The following GABRA4 variants were observed in gnomAD, a reference collection of about 807,000 sequenced individuals.
GABRA4 encodes the protein gamma-aminobutyric acid type A receptor subunit alpha4.
A neutral mutation model predicts 49.7 loss-of-function variants in GABRA4; 12 were observed. The observed-to-expected ratio is 0.24, with a 90% CI of 0.15 to 0.39. The LOEUF is 0.39. GABRA4 is among the 10% of genes least tolerant of loss of function. The pLI is 1.00. For synonymous variants in GABRA4, 288 were observed against 240.2 expected, an observed-to-expected ratio of 1.20 and a Z score of -1.84; for missense variants, 506 against 686.0, an observed-to-expected ratio of 0.74 and a Z score of 2.93.
chr4:46,970,396 A>G (rs1722908940), intron 7 of GABRA4, among the ~76,000 whole-genome samples: 1 of 151,538 alleles, frequency 6.6e-6, no homozygotes, highest in South Asian at 2.1e-4. Context: ...ATTAACTAAA[A>G]TAAATATAAT....
rs761097180 is a variant in GABRA4 at position 46,971,105 on chromosome 4, T to G, written c.852A>C (p.Ser284=). 6.2e-7 allele frequency: 1 copy of G among 1,609,412 alleles called. No individual in the cohort carries two copies. The highest frequency in any genetic ancestry group is 8.5e-7 in the Non-Finnish European group (1 of 1,177,040). Residue 284 remains serine, a synonymous_variant, in exon 7 of 9, where the codon TCA becomes TCC. Transcript: ENST00000264318. The part of the protein sequence containing the change: ...SQVSFWINKE[S]VPARTVFGIT... ...TACCAAATACAGTCCTAGCGGGAAC[T>G]GATTCTTTATTTATCCAAAATGAAA...
intron 7 of GABRA4, 94 bp from the exon 8 acceptor site, chr4:46,965,323 G>A (rs1197920424): frequency 1.9e-6 from 2 of 1,071,422 alleles, no homozygotes; most frequent in African/African-American, 1.6e-5. Context: ...AAATCATGTG[G>A]AATAGGGTTA....
At chr4:46,945,879 T>C (rs766038342) in intron 8 of GABRA4, among the ~76,000 whole-genome samples, 1 of 152,102 alleles carries the variant, frequency 6.6e-6, no homozygotes, top group Non-Finnish European at 1.5e-5. Context: ...TCTCCAGGAA[T>C]GTAAATAAAT....
chr4:46,939,961 T>A lies in GABRA4; in HGVS notation c.1135-11206A>T, dbSNP rs191226904. The stretch of plus-strand genomic sequence containing the variant: ...TCCTCTACATTCAGGCATAAATAAA[T>A]ATTTATAAATAGGCTTACATTTAGT... On this transcript the variant is annotated intron_variant, in intron 8 of 8. Transcript: ENST00000264318. Among the ~76,000 whole-genome samples, 10 of 152,134 alleles carry A rather than the reference T, an allele frequency of 6.6e-5. No individual in the cohort carries two copies. The East Asian group carries it at 1.7e-3, about 26-fold the overall frequency.
In GABRA4 at chr4:46,979,104, G is replaced by A. The variant is rs369923904; in HGVS notation, c.206-6C>T. On this transcript the variant is annotated splice_region_variant and splice_polypyrimidine_tract_variant and intron_variant, in intron 2 of 8. Coordinates refer to ENST00000264318, the MANE Select transcript of GABRA4 (RefSeq NM_000809.4). The stretch of plus-strand genomic sequence containing the variant: ...TTTCACTTCTGTAACAGGACCTAAC[G>A]GGTATGAAGTAAATAAGTGTGAAAA... 1.5e-5 allele frequency: 23 copies of A among 1,584,304 alleles called. No homozygotes were observed. Among genetic ancestry groups the A allele is most frequent in the African/African-American group, 4.0e-5 (3 of 74,156 alleles).
At chr4:46,970,831 A>T (rs1722927991) in intron 7 of GABRA4, among the ~76,000 whole-genome samples, 1 of 151,566 alleles carries the variant, frequency 6.6e-6, no homozygotes, top group Admixed American at 6.6e-5. Context: ...TTATGTCCAG[A>T]TTCACATTTG....
At position 46,925,239 on chromosome 4, in the gene GABRA4, T is replaced by C. The variant is rs1286494641; in HGVS notation, c.*2986A>G. 2.0e-5 allele frequency: 3 copies of C among 151,996 alleles called. No individual in the cohort carries two copies. Among genetic ancestry groups the C allele is most frequent in the Non-Finnish European group, 4.4e-5 (3 of 67,886 alleles). The allele number at this position is 151,996 out of a possible 1,614,324, so 9.4% of individuals were successfully genotyped here. On this transcript the variant is annotated 3_prime_UTR_variant, in exon 9 of 9. Transcript: ENST00000264318. ...CATTTCATCAAAAAAAGTGTGACTC[T>C]ACTCTCTACCTACTTTAATACAAGA...
intron 2 of GABRA4, among the ~76,000 whole-genome samples, chr4:46,990,709 G>A (rs1038400597): frequency 6.6e-5 from 10 of 152,020 alleles, no homozygotes; most frequent in African/African-American, 2.4e-4. Flanking sequence ...CACATCATCT[G>A]AACGATTCTC....
intron 8 of GABRA4, among the ~76,000 whole-genome samples, chr4:46,942,806 A>C (rs1339771352): frequency 6.6e-6 from 1 of 151,896 alleles, no homozygotes; most frequent in Non-Finnish European, 1.5e-5. Flanking sequence ...TTATTTTTCC[A>C]TAGGGTTTAG....
chr4:46,985,211 T>C (rs1407053881), intron 2 of GABRA4, among the ~76,000 whole-genome samples: 1 of 152,036 alleles, frequency 6.6e-6, no homozygotes. Flanking sequence ...AATAAACTTT[T>C]AAAATAAAGA....
chr4:46,989,125 TTTA>T (rs905052047), intron 2 of GABRA4, among the ~76,000 whole-genome samples: 34 of 152,188 alleles, frequency 2.2e-4, no homozygotes, highest in African/African-American at 8.0e-4. Context: ...ATTTGGAACG[TTTA>T]TTATTCTAGA....
At position 46,927,719 on chromosome 4, in the gene GABRA4, T is replaced by C. The variant is rs74894676; in HGVS notation, c.*506A>G. The C allele has an allele frequency of 3.8e-3, 590 of 155,682 alleles. 6 individuals carry two copies. The highest frequency in any genetic ancestry group is 0.014 in the African/African-American group (574 of 41,582). 9.6% of individuals were successfully genotyped at this position (155,682 alleles called of 1,614,324 possible). A position where few individuals can be genotyped will look rare whatever the true frequency, so the allele number is the denominator to read the frequency against. ...ATTTTACTCTATTGATCAGTGTTTATACTATTCCATTTCCTTTTGCCAATG... is the reference window on the plus strand; with the variant it reads ...ATTTTACTCTATTGATCAGTGTTTACACTATTCCATTTCCTTTTGCCAATG... On this transcript the variant is annotated 3_prime_UTR_variant, in exon 9 of 9. Transcript: ENST00000264318.
chr4:46,936,818 T>C (rs1721617928), intron 8 of GABRA4, among the ~76,000 whole-genome samples: 1 of 152,194 alleles, frequency 6.6e-6, no homozygotes, highest in African/African-American at 2.4e-5. Context: ...AGTGTCACTT[T>C]TTTCCCTTTA....
chr4:46,922,237 C>T lies in GABRA4; in HGVS notation c.*5988G>A, dbSNP rs1318184685. On this transcript the variant is annotated 3_prime_UTR_variant, in exon 9 of 9. Coordinates refer to ENST00000264318, the MANE Select transcript of GABRA4 (RefSeq NM_000809.4). ...AAAACAGAGAGTTTTACACTGTGAA[C>T]TACATAGGCCGCCCAAATGTCAAAA... 1.3e-5 allele frequency: 2 copies of T among 152,050 alleles called. No homozygotes were observed. The highest frequency in any genetic ancestry group is 4.8e-5 in the African/African-American group (2 of 41,402). The allele number at this position is 152,050 out of a possible 1,614,324, so 9.4% of individuals were successfully genotyped here. A position where few individuals can be genotyped will look rare whatever the true frequency, so the allele number is the denominator to read the frequency against.
intron 8 of GABRA4, among the ~76,000 whole-genome samples, chr4:46,937,417 T>G (rs1335994845): frequency 6.6e-6 from 1 of 152,186 alleles, no homozygotes; most frequent in Admixed American, 6.5e-5. Context: ...ACACACAGTC[T>G]TCCAAAATTT....
At chr4:46,970,422 T>C (rs2109383881) in intron 7 of GABRA4, among the ~76,000 whole-genome samples, 1 of 151,620 alleles carries the variant, frequency 6.6e-6, no homozygotes, top group African/African-American at 2.4e-5. Context: ...CAAATTATAC[T>C]ATTTAAAAGC....
rs1376511286 is a variant in GABRA4 at position 46,923,515 on chromosome 4, T to G, written c.*4710A>C. The G allele has an allele frequency of 1.3e-5, 2 of 152,232 alleles. No homozygotes were observed. The highest frequency in any genetic ancestry group is 4.8e-5 in the African/African-American group (2 of 41,556). The allele number at this position is 152,232 out of a possible 1,614,324, so 9.4% of individuals were successfully genotyped here. ...AGAATTTTGAGATTGTTTTTAAGTT[T>G]CTACAATGTCTATCTTTAACAGTCA... On this transcript the variant is annotated 3_prime_UTR_variant, in exon 9 of 9. Transcript: ENST00000264318.
At chr4:46,963,463 T>A (rs1722649072) in intron 8 of GABRA4, among the ~76,000 whole-genome samples, 1 of 151,764 alleles carries the variant, frequency 6.6e-6, no homozygotes, top group South Asian at 2.1e-4. Context: ...CTGATGGGCT[T>A]ATCAGGGGTT....
chr4:46,933,400 T>G (rs1213231265), intron 8 of GABRA4, among the ~76,000 whole-genome samples: 1 of 152,176 alleles, frequency 6.6e-6, no homozygotes, highest in African/African-American at 2.4e-5. Context: ...GGCATTTAAG[T>G]TATCTTGACT....
Sources: allele counts gnomAD v4.1 joint callset (sites outside exome capture counted in the v4.1 genomes callset), GRCh38; gene constraint gnomAD v4.1.1; transcripts MANE v1.5; gene names NCBI Gene and HGNC (gene_info 2026-07-23, HGNC 2026-07-21).